Variants in ROBO1 observed in about 807,000 individuals in gnomAD.
The protein encoded by ROBO1 is roundabout guidance receptor 1, also known as roundabout homolog 1.
In ROBO1, 149 loss-of-function variants were observed where a neutral mutation model predicts 195.9. That is an observed-to-expected ratio of 0.76 (90% CI 0.67 to 0.87). ROBO1 has a LOEUF of 0.87. Ranked by LOEUF, ROBO1 falls within the 40% of genes least tolerant of loss-of-function variation. ROBO1 has a pLI of 0.00. For synonymous variants in ROBO1, 816 were observed against 733.2 expected (o/e 1.11, Z -1.82); for missense variants, 1,933 against 2,068.3 (o/e 0.93, Z 1.27).
rs144104526 is a variant in ROBO1, at chr3:78,805,083, G to A, written c.500-58183C>T. Reference sequence around the variant, plus strand: ...TTGGAACTTTTACAGGATTCATTATGATTCATTTGATCTTCAAATGCTTGG... The same window carrying A: ...TTGGAACTTTTACAGGATTCATTATAATTCATTTGATCTTCAAATGCTTGG... On this transcript the variant is annotated intron_variant, in intron 4 of 30. Coordinates refer to ENST00000464233, the MANE Select transcript of ROBO1 (RefSeq NM_002941.4). Among the ~76,000 whole-genome samples, 751 of 152,104 alleles carry A rather than the reference G, an allele frequency of 4.9e-3. 7 individuals are homozygous for A. Among genetic ancestry groups the A allele is most frequent in the African/African-American group, 0.017 (686 of 41,482 alleles).
intron 1 of ROBO1, among the ~76,000 whole-genome samples, chr3:79,621,350 T>G (rs899894203): frequency 6.6e-6 from 1 of 152,176 alleles, no homozygotes; most frequent in African/African-American, 2.4e-5. Context: ...GACTCCTTTT[T>G]CGGACTCAGT....
In ROBO1 at chr3:78,657,126, T is replaced by C. The variant is rs1440813972; in HGVS notation, c.2586A>G (p.Val862=). Residue 862 remains valine, a synonymous_variant, in exon 18 of 31, where the codon GTA becomes GTG. Transcript: ENST00000464233. The stretch of plus-strand genomic sequence containing the variant: ...GCTGGATGAACTGAGGCTCACTCTT[T>C]ACCCCAGACCCAGCCCCAGTGCTGG... ...VAASTGAGSG[V]KSEPQFIQLD... The C allele has an allele frequency of 1.2e-6, 2 of 1,611,182 alleles. No homozygotes were observed. Among genetic ancestry groups the C allele is most frequent in the Non-Finnish European group, 1.7e-6 (2 of 1,178,768 alleles).
chr3:79,605,977 C>T (rs1576104634), intron 1 of ROBO1, among the ~76,000 whole-genome samples: 2 of 136,434 alleles, frequency 1.5e-5, no homozygotes, highest in African/African-American at 6.7e-5. Flanking sequence ...TGGAAGTTTA[C>T]ATATATGTGT....
chr3:79,184,103 C>A (rs2081393577), intron 2 of ROBO1, among the ~76,000 whole-genome samples: 2 of 152,058 alleles, frequency 1.3e-5, no homozygotes, highest in South Asian at 4.1e-4. Flanking sequence ...TACCCAATCA[C>A]CAGTGATGTC....
At chr3:79,463,054 T>G (rs1937736004) in intron 2 of ROBO1, among the ~76,000 whole-genome samples, 1 of 152,180 alleles carries the variant, frequency 6.6e-6, no homozygotes, top group Non-Finnish European at 1.5e-5. Flanking sequence ...ATGTTAACTT[T>G]CTTTCCTATT....
At chr3:78,620,426 T>G (rs1391254882) in intron 26 of ROBO1, among the ~76,000 whole-genome samples, 1 of 151,968 alleles carries the variant, frequency 6.6e-6, no homozygotes, top group Non-Finnish European at 1.5e-5. Context: ...GCAGGAGAAT[T>G]GTTCCAACCC....
chr3:78,744,358 C>A (rs2082604398), intron 5 of ROBO1, among the ~76,000 whole-genome samples: 2 of 152,146 alleles, frequency 1.3e-5, no homozygotes, highest in South Asian at 4.1e-4. Context: ...ACCCAGATTA[C>A]CCTGAGAGCT....
chr3:79,673,131 A>G (rs570426310), intron 1 of ROBO1, among the ~76,000 whole-genome samples: 32 of 152,148 alleles, frequency 2.1e-4, no homozygotes, highest in African/African-American at 7.5e-4. Flanking sequence ...GAAATAAAGG[A>G]TAGAATTATT....
intron 1 of ROBO1, among the ~76,000 whole-genome samples, chr3:79,743,745 CT>C (rs1338216009): frequency 6.6e-6 from 1 of 152,118 alleles, no homozygotes; most frequent in Non-Finnish European, 1.5e-5. Context: ...ATTTTTTAAA[CT>C]TTTAAACTTT....
chr3:79,594,658 CTCTTAGTTGCA>C (rs2107836008), intron 1 of ROBO1, among the ~76,000 whole-genome samples: 1 of 152,052 alleles, frequency 6.6e-6, no homozygotes, highest in South Asian at 2.1e-4. Flanking sequence ...AATTTAAACT[CTCTTAGTTGCA>C]TCTTTCTGAA....
At chr3:79,242,165 A>G (rs190003556) in intron 2 of ROBO1, among the ~76,000 whole-genome samples, 5 of 152,212 alleles carry the variant, frequency 3.3e-5, no homozygotes, top group African/African-American at 1.2e-4. Context: ...ACAAGATGTG[A>G]AATTTCTGTG....
intron 2 of ROBO1, among the ~76,000 whole-genome samples, chr3:79,312,372 C>A (rs966757634): frequency 2.0e-5 from 3 of 152,106 alleles, no homozygotes; most frequent in Non-Finnish European, 4.4e-5. Context: ...AGGATTATGT[C>A]ATTTGTTTAC....
chr3:78,736,137 G>C (rs957396694), intron 5 of ROBO1, among the ~76,000 whole-genome samples: 1 of 152,092 alleles, frequency 6.6e-6, no homozygotes, highest in Non-Finnish European at 1.5e-5. Context: ...TTTTGTCGGA[G>C]AGTAAGATAA....
At chr3:79,209,656 C>T (rs1333490579) in intron 2 of ROBO1, among the ~76,000 whole-genome samples, 2 of 151,842 alleles carry the variant, frequency 1.3e-5, no homozygotes, top group East Asian at 1.9e-4. Flanking sequence ...CACATCCATG[C>T]CAACATTGTT....
At chr3:79,003,265 C>T (rs953459202) in intron 3 of ROBO1, among the ~76,000 whole-genome samples, 3 of 152,096 alleles carry the variant, frequency 2.0e-5, no homozygotes. Context: ...AATGCTCATG[C>T]CTTCTCTGCT....
At chr3:78,628,729 T>C (rs955170428) in intron 25 of ROBO1, among the ~76,000 whole-genome samples, 1 of 152,194 alleles carries the variant, frequency 6.6e-6, no homozygotes, top group East Asian at 1.9e-4. Context: ...TTTCCTTTAT[T>C]AACAAACAGC....
chr3:79,322,624 A>C (rs910931642), intron 2 of ROBO1, among the ~76,000 whole-genome samples: 7 of 152,274 alleles, frequency 4.6e-5, no homozygotes, highest in African/African-American at 1.7e-4. Flanking sequence ...ATAACTCAAA[A>C]TTTATTTCCT....
chr3:79,126,622 T>G (rs2080220017), intron 2 of ROBO1, among the ~76,000 whole-genome samples: 1 of 152,242 alleles, frequency 6.6e-6, no homozygotes, highest in Non-Finnish European at 1.5e-5. Context: ...ATTCAAGTTC[T>G]GATGTTCTGC....
At chr3:78,840,005 GA>G (rs2033068728) in intron 4 of ROBO1, among the ~76,000 whole-genome samples, 1 of 152,170 alleles carries the variant, frequency 6.6e-6, no homozygotes, top group South Asian at 2.1e-4. Context: ...AGACATCAAT[GA>G]AATGTCAGGA....
Sources: gnomAD v4.1 joint callset for allele counts (sites outside exome capture counted in the v4.1 genomes callset) on GRCh38, gnomAD v4.1.1 for gene constraint, MANE v1.5 for transcripts, NCBI Gene and HGNC (gene_info 2026-07-23, HGNC 2026-07-21) for gene names.